The following HS3ST4 variants were observed in gnomAD, a reference collection of about 807,000 sequenced individuals.
The protein encoded by HS3ST4 is heparan sulfate glucosamine 3-O-sulfotransferase 4.
A neutral mutation model predicts 29.2 loss-of-function variants in HS3ST4; 17 were observed. The ratio of observed to expected loss-of-function variants is 0.58; its 90% CI spans 0.40 to 0.87. HS3ST4 has a LOEUF of 0.87. HS3ST4 is among the 40% of genes least tolerant of loss of function. HS3ST4 has a pLI of 0.00. For synonymous variants in HS3ST4, 314 were observed against 285.7 expected (o/e 1.10, Z -1.00); for missense variants, 627 against 634.5 (o/e 0.99, Z 0.13).
chr16:26,041,415 C>T (rs1969635099), intron 1 of HS3ST4, among the ~76,000 whole-genome samples: 1 of 151,964 alleles, frequency 6.6e-6, no homozygotes, highest in African/African-American at 2.4e-5. Flanking sequence ...TTAAAAGATT[C>T]CTTTGTTCCA....
Position 25,961,265 on chromosome 16 carries a change from T to C in HS3ST4, c.735-174347T>C, listed in dbSNP as rs1203254774. The stretch of plus-strand genomic sequence containing the variant: ...CTTCTGTGTGGAAGGCAGGAGAATG[T>C]TAAATGGAGGTAAGAAGAGAAGAGA... On this transcript the variant is annotated intron_variant, in intron 1 of 1. Transcript: ENST00000331351. Among the ~76,000 whole-genome samples, 10 of 152,144 alleles carry C rather than the reference T, an allele frequency of 6.6e-5. No individual in the cohort carries two copies. In the East Asian group the frequency reaches 1.9e-3, roughly 29 times the overall value.
chr16:25,880,526 A>G (rs905354476), intron 1 of HS3ST4, among the ~76,000 whole-genome samples: 1 of 152,166 alleles, frequency 6.6e-6, no homozygotes, highest in Admixed American at 6.5e-5. Context: ...GCACACTGAG[A>G]ATTAATTAAG....
intron 1 of HS3ST4, among the ~76,000 whole-genome samples, chr16:26,005,311 T>A (rs1260959748): frequency 6.6e-6 from 1 of 151,980 alleles, no homozygotes; most frequent in Non-Finnish European, 1.5e-5. Flanking sequence ...ATATAATGAG[T>A]TTTATTTTGA....
chr16:25,907,536 C>T (rs997682432), intron 1 of HS3ST4, among the ~76,000 whole-genome samples: 9 of 152,264 alleles, frequency 5.9e-5, no homozygotes, highest in African/African-American at 1.7e-4. Context: ...GAAGCTTCAT[C>T]GATGACCCAG....
intron 1 of HS3ST4, among the ~76,000 whole-genome samples, chr16:25,895,427 T>A (rs1321433896): frequency 1.3e-5 from 2 of 152,100 alleles, no homozygotes; most frequent in African/African-American, 4.8e-5. Context: ...AAGATCACTC[T>A]GATAGATTTG....
At chr16:25,904,099 AATGGATGAATGGATGG>A (rs1567268921) in intron 1 of HS3ST4, among the ~76,000 whole-genome samples, 1 of 135,720 alleles carries the variant, frequency 7.4e-6, no homozygotes, top group African/African-American at 2.8e-5. Context: ...TGGATGAATG[AATGGATGAATGGATGG>A]ATGGATGGAT....
intron 1 of HS3ST4, among the ~76,000 whole-genome samples, chr16:26,113,713 TCA>T (rs764779003): frequency 1.7e-4 from 26 of 152,108 alleles, no homozygotes; most frequent in Non-Finnish European, 3.2e-4. Context: ...TTCAGAATAC[TCA>T]CACACTTGCT....
intron 1 of HS3ST4, among the ~76,000 whole-genome samples, chr16:25,886,478 T>G (rs547038294): frequency 6.6e-6 from 1 of 152,318 alleles, no homozygotes; most frequent in East Asian, 1.9e-4. Context: ...TTATAACATC[T>G]GGCCAAGTTA....
chr16:25,890,875 A>G (rs999445169), intron 1 of HS3ST4, among the ~76,000 whole-genome samples: 1 of 152,154 alleles, frequency 6.6e-6, no homozygotes, highest in African/African-American at 2.4e-5. Context: ...CCATTTTTGC[A>G]TCTCTCAAAT....
At chr16:25,979,352 G>A (rs1461213311) in intron 1 of HS3ST4, among the ~76,000 whole-genome samples, 1 of 152,180 alleles carries the variant, frequency 6.6e-6, no homozygotes, top group Non-Finnish European at 1.5e-5. Context: ...ACCACAGGAG[G>A]TGAGTGGCTG....
chr16:25,864,151 T>G (rs955390198), intron 1 of HS3ST4, among the ~76,000 whole-genome samples: 1 of 152,238 alleles, frequency 6.6e-6, no homozygotes, highest in Admixed American at 6.5e-5. Flanking sequence ...TATCAACCTC[T>G]TCTCTCTTTT....
chr16:25,941,397 A>G (rs760305966), intron 1 of HS3ST4, among the ~76,000 whole-genome samples: 2 of 149,772 alleles, frequency 1.3e-5, no homozygotes, highest in Non-Finnish European at 3.0e-5. Flanking sequence ...ACCTCAGGTG[A>G]TCTGCCCCAC....
rs140658676 is a variant in HS3ST4 at position 25,704,719 on chromosome 16, AAC to A, written c.734+11572_734+11573del. On this transcript the variant is annotated intron_variant, in intron 1 of 1. Coordinates refer to ENST00000331351, the MANE Select transcript of HS3ST4 (RefSeq NM_006040.3). Reference sequence around the variant, plus strand: ...ATGGTGAAACCCCGTCTCTACTAAAAACACAAAAAATTAGCCAAGCGTGGTGA... The same window carrying A: ...ATGGTGAAACCCCGTCTCTACTAAAAACAAAAAATTAGCCAAGCGTGGTGA... Among the ~76,000 whole-genome samples the A allele has an allele frequency of 5.1e-4, 77 of 152,216 alleles. No homozygotes were observed. In the East Asian group the frequency reaches 0.014, roughly 28 times the overall value.
At chr16:26,005,623 G>T (rs551203713) in intron 1 of HS3ST4, among the ~76,000 whole-genome samples, 219 of 152,136 alleles carry the variant, frequency 1.4e-3, no homozygotes, top group Non-Finnish European at 2.6e-3. Context: ...GAATTAGCCA[G>T]GTCTGGAACA....
At chr16:25,867,381 G>A (rs1048651734) in intron 1 of HS3ST4, among the ~76,000 whole-genome samples, 2 of 152,148 alleles carry the variant, frequency 1.3e-5, no homozygotes, top group Non-Finnish European at 2.9e-5. Context: ...GCTGGAAGGG[G>A]AGAAATTAGG....
At chr16:25,850,578 G>A (rs1967509575) in intron 1 of HS3ST4, among the ~76,000 whole-genome samples, 1 of 152,142 alleles carries the variant, frequency 6.6e-6, no homozygotes, top group Non-Finnish European at 1.5e-5. Context: ...TCATGGAAAA[G>A]AAAACAAAAT....
intron 1 of HS3ST4, among the ~76,000 whole-genome samples, chr16:25,910,304 G>A (rs144827301): frequency 5.9e-5 from 9 of 152,120 alleles, no homozygotes; most frequent in African/African-American, 2.2e-4. Flanking sequence ...GCTCAACTCC[G>A]ATGTTACATC....
chr16:26,033,733 C>T (rs1026839504), intron 1 of HS3ST4, among the ~76,000 whole-genome samples: 3 of 151,684 alleles, frequency 2.0e-5, no homozygotes, highest in Non-Finnish European at 4.4e-5. Flanking sequence ...GAAAGACGGA[C>T]AGAAAGACAG....
At chr16:25,828,332 C>CTCTCTCTT (rs1967256366) in intron 1 of HS3ST4, among the ~76,000 whole-genome samples, 1 of 135,378 alleles carries the variant, frequency 7.4e-6, no homozygotes, top group African/African-American at 2.9e-5. Flanking sequence ...CTCTCTCTCT[C>CTCTCTCTT]TCTCTCTTTC....
Sources: gnomAD v4.1 joint callset for allele counts (sites outside exome capture counted in the v4.1 genomes callset) on GRCh38, gnomAD v4.1.1 for gene constraint, MANE v1.5 for transcripts, NCBI Gene and HGNC (gene_info 2026-07-23, HGNC 2026-07-21) for gene names.